Variants in USP4 observed in about 807,000 individuals in gnomAD.
USP4 encodes the protein ubiquitin specific peptidase 4.
USP4 carries 72 observed loss-of-function variants against 118.2 expected under a neutral mutation model. The observed-to-expected ratio is 0.61, with a 90% confidence interval of 0.50 to 0.74. The LOEUF (loss-of-function observed/expected upper bound fraction) is 0.74. Ranked by LOEUF, USP4 falls within the 30% of genes least tolerant of loss-of-function variation. The pLI, the probability that USP4 is intolerant of heterozygous loss-of-function variation, is 0.00. For synonymous variants in USP4, 415 were observed against 440.4 expected (o/e 0.94, Z 0.72); for missense variants, 1,037 against 1,185.7 (o/e 0.87, Z 1.84).
At chr3:49,286,424 T>C (rs2047091401) in intron 15 of USP4, 99 bp from the exon 16 acceptor site, 25 of 1,230,584 alleles carry the variant, frequency 2.0e-5, no homozygotes, top group Non-Finnish European at 2.7e-5. Context: ...TTCCAGATTT[T>C]GTTCTGTGTA....
At position 49,327,775 on chromosome 3, in the gene USP4, A is replaced by G. The variant is rs758335197; in HGVS notation, c.271T>C (p.Leu91=). ...TCGGTAGGGACCAATACATAGTCCAATTCATCAATTAAGTGTTCTTTCAAG... is the reference window on the plus strand; with the variant it reads ...TCGGTAGGGACCAATACATAGTCCAGTTCATCAATTAAGTGTTCTTTCAAG... ...QTLKEHLIDE[L]DYVLVPTEAW... Residue 91 remains leucine (L), a synonymous_variant, in exon 3 of 22, where the codon TTG becomes CTG. Coordinates refer to ENST00000265560, the MANE Select transcript of USP4 (RefSeq NM_003363.4). The G allele has an allele frequency of 3.1e-6, 5 of 1,613,838 alleles. No homozygotes were observed. In the African/African-American group the frequency reaches 5.3e-5, roughly 17 times the overall value.
At chr3:49,305,336 C>A (rs2047303942) in intron 9 of USP4, among the ~76,000 whole-genome samples, 1 of 150,348 alleles carries the variant, frequency 6.7e-6, no homozygotes, top group Non-Finnish European at 1.5e-5. Context: ...CCTCAGCCTC[C>A]CAAAGTGCTG....
At chr3:49,279,439 A>G (rs1211267141) in intron 20 of USP4, among the ~76,000 whole-genome samples, 1 of 152,062 alleles carries the variant, frequency 6.6e-6, no homozygotes, top group Non-Finnish European at 1.5e-5. Context: ...CTTAGTCTCC[A>G]TATCCAAAAA....
chr3:49,314,719 CT>C (rs2047418544), intron 6 of USP4, among the ~76,000 whole-genome samples: 1 of 152,096 alleles, frequency 6.6e-6, no homozygotes, highest in African/African-American at 2.4e-5. Context: ...TATCTATTTT[CT>C]TGAGCTTAAA....
At chr3:49,334,585 A>T (rs990921287) in intron 2 of USP4, among the ~76,000 whole-genome samples, 1 of 152,124 alleles carries the variant, frequency 6.6e-6, no homozygotes, top group Non-Finnish European at 1.5e-5. Flanking sequence ...GTCTCTACCA[A>T]AAAACTTAAA....
intron 6 of USP4, chr3:49,316,956 G>A: frequency 1.6e-6 from 1 of 632,382 alleles, no homozygotes; most frequent in Non-Finnish European, 2.8e-6. Context: ...GAGGTTGGCA[G>A]CTGCCCCTCT....
intron 19 of USP4, among the ~76,000 whole-genome samples, chr3:49,283,163 G>GCA (rs2047055596): frequency 6.6e-6 from 1 of 150,830 alleles, no homozygotes; most frequent in Non-Finnish European, 1.5e-5. Context: ...CCACAGGTGT[G>GCA]CGCCACCACA....
intron 6 of USP4, among the ~76,000 whole-genome samples, chr3:49,314,969 G>T (rs1435300295): frequency 6.6e-6 from 1 of 151,926 alleles, no homozygotes; most frequent in Non-Finnish European, 1.5e-5. Context: ...AGAAATTAAA[G>T]AAAAATTTTA....
chr3:49,298,653 T>G lies in USP4; in HGVS notation c.1513-18A>C. ...ACACGGTACTGCAAGACAGAGATGGTCAAGGTCACAGGGGTGCCCCACAAA... is the reference window on the plus strand; with the variant it reads ...ACACGGTACTGCAAGACAGAGATGGGCAAGGTCACAGGGGTGCCCCACAAA... On this transcript the variant is annotated intron_variant, in intron 11 of 21. Transcript: ENST00000265560. 6.2e-7 allele frequency: 1 copy of G among 1,613,238 alleles called. No individual in the cohort carries two copies. Among genetic ancestry groups the G allele is most frequent in the Non-Finnish European group, 8.5e-7 (1 of 1,179,274 alleles).
chr3:49,325,064 T>C, intron 4 of USP4, 25 bp from the exon 5 acceptor site: 1 of 1,607,452 alleles, frequency 6.2e-7, no homozygotes, highest in Non-Finnish European at 8.5e-7. Context: ...AAATATCACT[T>C]GGGGCTTTGT....
chr3:49,321,472 T>C (rs2047500293), intron 6 of USP4, among the ~76,000 whole-genome samples: 1 of 151,904 alleles, frequency 6.6e-6, no homozygotes, highest in South Asian at 2.1e-4. Context: ...TTGATTATTA[T>C]TGTACCTTTT....
chr3:49,330,867 C>T (rs529291027), intron 2 of USP4, among the ~76,000 whole-genome samples: 4 of 151,074 alleles, frequency 2.6e-5, no homozygotes, highest in Admixed American at 6.6e-5. Context: ...AAAAAGTAGC[C>T]GGGTGTGGTG....
chr3:49,301,698 A>C (rs903575570), intron 10 of USP4, among the ~76,000 whole-genome samples: 1 of 152,136 alleles, frequency 6.6e-6, no homozygotes, highest in Non-Finnish European at 1.5e-5. Context: ...AAAAAAAATA[A>C]ATAAATAAAT....
chr3:49,331,149 C>T (rs1295303323), intron 2 of USP4, among the ~76,000 whole-genome samples: 5 of 150,898 alleles, frequency 3.3e-5, no homozygotes, highest in East Asian at 3.9e-4. Context: ...GGAGAAACCC[C>T]GTCTCTACTA....
At position 49,325,795 on chromosome 3, in the gene USP4, C is replaced by A; in HGVS notation, c.411G>T (p.Leu137Phe). 6.2e-7 allele frequency: 1 copy of A among 1,613,998 alleles called. No homozygotes were observed. The highest frequency in any genetic ancestry group is 8.5e-7 in the Non-Finnish European group (1 of 1,179,932). Residue 137 changes from leucine (L) to phenylalanine (F), a missense_variant, in exon 4 of 22, where the codon TTG becomes TTT. This residue lies in a region of USP4 where 487 missense variants were observed against 534.1 expected (regional missense o/e 0.91). Transcript: ENST00000265560. ...FVKHCKVEVYLLELKLCENSD... is the reference protein window; with the variant it reads ...FVKHCKVEVYFLELKLCENSD... ...TGTTCTCACAGAGCTTCAGTTCCAG[C>A]AAATACACCTCGACTTTGCAGTGCT...
chr3:49,309,460 G>A (rs1355170161), intron 8 of USP4, among the ~76,000 whole-genome samples: 1 of 151,988 alleles, frequency 6.6e-6, no homozygotes, highest in East Asian at 1.9e-4. Context: ...GTCTCGCTAT[G>A]ATGCTCAGGC....
chr3:49,280,781 G>A lies in USP4; in HGVS notation c.2607C>T (p.Ala869=), dbSNP rs749953171. 4.3e-5 allele frequency: 70 copies of A among 1,613,958 alleles called. No homozygotes were observed. The Admixed American group carries it at 7.5e-4, about 17-fold the overall frequency. ...SARPYVYDLI[A]VSNHYGAMGV... ...CCATGGCTCCATAATGATTGGACAC[G>A]GCAATGAGGTCGTACACATAAGGCC... Residue 869 remains alanine (A), a synonymous_variant, in exon 20 of 22, where the codon GCC becomes GCT. Coordinates refer to ENST00000265560, the MANE Select transcript of USP4 (RefSeq NM_003363.4).
intron 2 of USP4, among the ~76,000 whole-genome samples, chr3:49,332,879 T>C (rs2047632903): frequency 6.6e-6 from 1 of 151,478 alleles, no homozygotes; most frequent in African/African-American, 2.4e-5. Flanking sequence ...CTGCAAAAAA[T>C]ACAATAATTA....
intron 15 of USP4, among the ~76,000 whole-genome samples, chr3:49,291,813 CTT>C (rs1040974356): frequency 6.8e-6 from 1 of 146,102 alleles, no homozygotes; most frequent in East Asian, 2.1e-4. Context: ...ACCCCTGGTC[CTT>C]TTTTTTTTCT....
Sources: gnomAD v4.1 joint callset for allele counts (sites outside exome capture counted in the v4.1 genomes callset) on GRCh38, gnomAD v4.1.1 for gene constraint, gnomAD v4.1.1 regional missense constraint, MANE v1.5 for transcripts, NCBI Gene and HGNC (gene_info 2026-07-23, HGNC 2026-07-21) for gene names.